Variants in ZNF695 observed in about 807,000 individuals in gnomAD.
The protein encoded by ZNF695 is zinc finger protein 695, also known as zinc finger protein SBZF3.
ZNF695 carries 11 observed loss-of-function variants against 11.2 expected under a neutral mutation model. The observed-to-expected ratio is 0.98, with a 90% CI of 0.62 to 1.62. The LOEUF is 1.62. ZNF695 is among the 40% of genes most tolerant of loss of function. ZNF695 has a pLI of 0.00. For synonymous variants in ZNF695, 190 were observed against 201.4 expected (o/e 0.94, Z 0.48); for missense variants, 559 against 590.5 (o/e 0.95, Z 0.55).
intron 5 of ZNF695, among the ~76,000 whole-genome samples, chr1:246,957,111 G>A (rs527870909): frequency 7.9e-5 from 12 of 152,236 alleles, no homozygotes; most frequent in Admixed American, 3.3e-4. Context: ...GGCCGAGTGC[G>A]GTGGCTCATG....
At chr1:247,001,126 A>G (rs1004165518) in intron 1 of ZNF695, among the ~76,000 whole-genome samples, 1 of 152,102 alleles carries the variant, frequency 6.6e-6, no homozygotes, top group Non-Finnish European at 1.5e-5. Flanking sequence ...AGAAGACCCA[A>G]CTCTATGGTC....
chr1:246,966,102 G>C (rs1668284016), intron 5 of ZNF695, among the ~76,000 whole-genome samples: 1 of 152,072 alleles, frequency 6.6e-6, no homozygotes, highest in Admixed American at 6.6e-5. Context: ...TTAAGAATAA[G>C]GGCAAAGAGC....
intron 5 of ZNF695, chr1:246,967,290 T>C (rs1668314436): frequency 1.1e-5 from 5 of 448,398 alleles, no homozygotes; most frequent in Non-Finnish European, 2.2e-5. Flanking sequence ...GGATTGAGAA[T>C]AGATTGTAAG....
chr1:246,979,084 G>A (rs1178836896), intron 4 of ZNF695, among the ~76,000 whole-genome samples: 2 of 152,122 alleles, frequency 1.3e-5, no homozygotes, highest in African/African-American at 4.8e-5. Context: ...TCCATTCCGG[G>A]TATACACGTG....
chr1:246,978,174 G>C (rs1240350117), intron 4 of ZNF695, among the ~76,000 whole-genome samples: 6 of 152,110 alleles, frequency 3.9e-5, no homozygotes. Context: ...TGACAAAAAG[G>C]CTATTTACAT....
intron 1 of ZNF695, among the ~76,000 whole-genome samples, chr1:247,005,802 T>C (rs1161879422): frequency 6.6e-6 from 1 of 152,156 alleles, no homozygotes; most frequent in African/African-American, 2.4e-5. Flanking sequence ...CCTCAAACTA[T>C]GAACAGAAAA....
intron 3 of ZNF695, 87 bp from the exon 4 acceptor site, chr1:246,988,342 G>C: frequency 1.0e-6 from 1 of 990,530 alleles, no homozygotes; most frequent in East Asian, 2.6e-5. Flanking sequence ...AAGCATATTA[G>C]CAAGATAGCA....
At chr1:246,980,344 T>C (rs1472101021), downstream of ZNF695, among the ~76,000 whole-genome samples, 1 of 151,948 alleles carries the variant, frequency 6.6e-6, no homozygotes, top group Admixed American at 6.6e-5. Context: ...TGTTATATTA[T>C]ACCTAAAGCT....
chr1:247,000,818 C>G (rs1669358093), intron 1 of ZNF695, among the ~76,000 whole-genome samples: 2 of 152,184 alleles, frequency 1.3e-5, no homozygotes, highest in African/African-American at 2.4e-5. Flanking sequence ...GACTAGTACA[C>G]AGACCATTTA....
chr1:246,971,866 CA>C (rs1057160031), intron 4 of ZNF695, among the ~76,000 whole-genome samples: 5 of 152,114 alleles, frequency 3.3e-5, no homozygotes, highest in Admixed American at 1.3e-4. Context: ...CACAGTGCAC[CA>C]CCACACCCGG....
intron 5 of ZNF695, among the ~76,000 whole-genome samples, chr1:246,964,149 G>A (rs932186760): frequency 5.3e-5 from 8 of 152,024 alleles, no homozygotes; most frequent in Non-Finnish European, 5.9e-5. Context: ...CAGCACCTCC[G>A]CGTGTTCAGC....
Position 246,999,433 on chromosome 1 carries a change from A to T in ZNF695, c.174T>A (p.Ala58=), listed in dbSNP as rs745546134. 32 of 1,613,486 alleles carry T rather than the reference A, an allele frequency of 2.0e-5. No homozygotes were observed. The East Asian group carries it at 6.2e-4, about 31-fold the overall frequency. ...FNMQFLFHSL[A]MSKPELIICL... ...AGATGATCAGTTCTGGCTTAGACAT[A>T]GCAAGACCTGTTTTATTAGAAAAAA... is the stretch of plus-strand genomic sequence containing the variant. Residue 58 remains alanine, a synonymous_variant, in exon 3 of 4, where the codon GCT becomes GCA. Coordinates refer to ENST00000339986, the MANE Select transcript of ZNF695 (RefSeq NM_020394.5).
intron 4 of ZNF695, among the ~76,000 whole-genome samples, chr1:246,972,931 GTATATA>G (rs57441901): frequency 2.1e-5 from 3 of 145,144 alleles, no homozygotes; most frequent in African/African-American, 7.5e-5. Flanking sequence ...TTTTTAATGT[GTATATA>G]TATATATATA....
chr1:246,951,080 G>GTT (rs1324762334), intron 5 of ZNF695, among the ~76,000 whole-genome samples: 1 of 152,052 alleles, frequency 6.6e-6, no homozygotes, highest in Middle Eastern at 3.2e-3. Flanking sequence ...TTTTTACTCA[G>GTT]TTTAAGTGTT....
At chr1:246,991,200 C>T (rs975067452) in intron 3 of ZNF695, among the ~76,000 whole-genome samples, 2 of 152,000 alleles carry the variant, frequency 1.3e-5, no homozygotes, top group African/African-American at 4.8e-5. Flanking sequence ...AGAAAAACCT[C>T]TAAGACATTA....
At chr1:246,953,134 G>A (rs950995317) in intron 5 of ZNF695, among the ~76,000 whole-genome samples, 1 of 151,962 alleles carries the variant, frequency 6.6e-6, no homozygotes, top group African/African-American at 2.4e-5. Flanking sequence ...CTTGTCATAC[G>A]CTCAACTTCA....
intron 5 of ZNF695, among the ~76,000 whole-genome samples, chr1:246,950,980 A>G (rs1468753758): frequency 6.6e-6 from 1 of 152,214 alleles, no homozygotes; most frequent in Non-Finnish European, 1.5e-5. Context: ...TTACTATCAA[A>G]CAATATACAG....
In ZNF695 at chr1:246,989,655, A is replaced by T. The variant is rs190431240; in HGVS notation, c.260-1400T>A. Among the ~76,000 whole-genome samples the T allele has an allele frequency of 1.2e-3, 178 of 152,370 alleles. 1 individual carries two copies. The highest frequency in any genetic ancestry group is 3.4e-3 in the African/African-American group (142 of 41,588). ...ACATTGAATGTAAATGGAGTAAATT[A>T]TCCATTCAAAAGAAATAGACTGGCT... On this transcript the variant is annotated intron_variant, in intron 3 of 3. Coordinates refer to ENST00000339986, the MANE Select transcript of ZNF695 (RefSeq NM_020394.5).
intron 4 of ZNF695, among the ~76,000 whole-genome samples, chr1:246,976,567 GGC>G (rs1169044860): frequency 1.3e-5 from 2 of 151,838 alleles, no homozygotes; most frequent in East Asian, 3.9e-4. Flanking sequence ...GGCCAAGGCG[GGC>G]AGATCACGAG....
Sources: allele counts gnomAD v4.1 joint callset (sites outside exome capture counted in the v4.1 genomes callset), GRCh38; gene constraint gnomAD v4.1.1; transcripts MANE v1.5; gene names NCBI Gene and HGNC (gene_info 2026-07-23, HGNC 2026-07-21).